The following CCDC38 variants were observed in gnomAD, a reference collection of about 807,000 sequenced individuals.
The protein encoded by CCDC38 is coiled-coil domain-containing protein 38.
In CCDC38, 69 loss-of-function variants were observed where a neutral mutation model predicts 72.8. The ratio of observed to expected loss-of-function variants is 0.95; its 90% confidence interval spans 0.78 to 1.16. CCDC38 has a LOEUF of 1.16. Ranked by LOEUF, CCDC38 falls within the 50% of genes most tolerant of loss-of-function variation. The pLI is 0.00. For synonymous variants in CCDC38, 201 were observed against 213.2 expected, an observed-to-expected ratio of 0.94 and a Z score of 0.50; for missense variants, 626 against 638.9, an observed-to-expected ratio of 0.98 and a Z score of 0.22.
chr12:95,874,643 C>G (rs2121416365), intron 13 of CCDC38, among the ~76,000 whole-genome samples: 1 of 152,282 alleles, frequency 6.6e-6, no homozygotes, highest in East Asian at 1.9e-4. Flanking sequence ...GGAACTGCCC[C>G]CAGATGGCAG....
chr12:95,932,864 T>C (rs2080352562), intron 2 of CCDC38, among the ~76,000 whole-genome samples: 1 of 152,186 alleles, frequency 6.6e-6, no homozygotes, highest in African/African-American at 2.4e-5. Flanking sequence ...CTCTGCTGTG[T>C]ATCATTATGG....
intron 4 of CCDC38, among the ~76,000 whole-genome samples, chr12:95,909,456 G>A (rs567592458): frequency 1.3e-5 from 2 of 152,144 alleles, no homozygotes; most frequent in Admixed American, 6.5e-5. Context: ...ATTCACAGCC[G>A]ACTCCTACCA....
intron 13 of CCDC38, among the ~76,000 whole-genome samples, chr12:95,877,103 T>C (rs2079644059): frequency 6.6e-6 from 1 of 152,196 alleles, no homozygotes; most frequent in Admixed American, 6.5e-5. Flanking sequence ...GACAAGTTTA[T>C]TGGGGATCTG....
intron 10 of CCDC38, 93 bp downstream of exon 10, chr12:95,888,365 G>T: frequency 1.8e-6 from 2 of 1,114,472 alleles, no homozygotes; most frequent in Non-Finnish European, 2.7e-6. Flanking sequence ...ACAGTTATGG[G>T]TACATGACAT....
chr12:95,927,776 T>G (rs1210199836), intron 2 of CCDC38, among the ~76,000 whole-genome samples: 1 of 151,450 alleles, frequency 6.6e-6, no homozygotes, highest in Non-Finnish European at 1.5e-5. Flanking sequence ...TGTAAAGTAT[T>G]TTATTTCTCC....
At chr12:95,886,142 T>C (rs928379197) in intron 10 of CCDC38, among the ~76,000 whole-genome samples, 2 of 152,142 alleles carry the variant, frequency 1.3e-5, no homozygotes, top group African/African-American at 4.8e-5. Flanking sequence ...TGGAACAGAA[T>C]AGAGAATCCA....
intron 4 of CCDC38, among the ~76,000 whole-genome samples, chr12:95,914,432 C>A (rs751528394): frequency 6.6e-6 from 1 of 152,230 alleles, no homozygotes; most frequent in East Asian, 1.9e-4. Flanking sequence ...CCTACTTCAA[C>A]ATTATCAACA....
chr12:95,879,631 T>G lies in CCDC38; in HGVS notation c.1142+13A>C. On this transcript the variant is annotated intron_variant, in intron 12 of 15. Coordinates refer to ENST00000344280, the MANE Select transcript of CCDC38 (RefSeq NM_182496.3). The surrounding 1 kb of genome is among the most constrained non-coding windows in gnomAD (Gnocchi z 5.5). Reference sequence around the variant, plus strand: ...GCTTAATGGAATAAATCTACTTGTTTATAATGACTTACGTTTTATCCTGTA... The same window carrying G: ...GCTTAATGGAATAAATCTACTTGTTGATAATGACTTACGTTTTATCCTGTA... 1 of 1,551,312 alleles carries G rather than the reference T, an allele frequency of 6.4e-7. No homozygotes were observed.
chr12:95,914,601 A>G (rs570343294), intron 4 of CCDC38, among the ~76,000 whole-genome samples: 1 of 152,270 alleles, frequency 6.6e-6, no homozygotes, highest in South Asian at 2.1e-4. Flanking sequence ...TAAAACCACC[A>G]TCACCCCTAA....
intron 10 of CCDC38, among the ~76,000 whole-genome samples, chr12:95,884,386 T>C (rs2079734579): frequency 6.6e-6 from 1 of 152,214 alleles, no homozygotes; most frequent in Non-Finnish European, 1.5e-5. Flanking sequence ...ATGTATAGGA[T>C]TTGTAAGCTG....
At chr12:95,912,079 C>T (rs991409007) in intron 4 of CCDC38, among the ~76,000 whole-genome samples, 4 of 152,156 alleles carry the variant, frequency 2.6e-5, no homozygotes, top group Non-Finnish European at 5.9e-5. Context: ...ATGGATAGAG[C>T]TGGAAGTCAT....
At chr12:95,929,658 T>G (rs113235451) in intron 2 of CCDC38, among the ~76,000 whole-genome samples, 4,724 of 152,318 alleles carry the variant, frequency 0.031, 94 homozygotes, top group Middle Eastern at 0.044. Context: ...TTTTTGTCCC[T>G]CCAAGTTCAA....
chr12:95,917,272 A>C lies in CCDC38; in HGVS notation c.161T>G (p.Met54Arg), dbSNP rs757834272. Reference sequence around the variant, plus strand: ...AAAAGTAGTTTTCTGGTAGACTTTCATGTTACGGTTCATAAATTTTTCCTG... The same window carrying C: ...AAAAGTAGTTTTCTGGTAGACTTTCCTGTTACGGTTCATAAATTTTTCCTG... ...KETEKFMNRN[M>R]KVYQKTTFSS... The change falls in exon 4 of 16, where the codon ATG (methionine) becomes AGG (arginine). Residue 54 changes from methionine (M) to arginine (R), a missense_variant. Transcript: ENST00000344280. 1 of 1,597,842 alleles carries C rather than the reference A, an allele frequency of 6.3e-7. No individual in the cohort carries two copies. The highest frequency in any genetic ancestry group is 8.5e-7 in the Non-Finnish European group (1 of 1,176,632).
rs774539201 is a variant in CCDC38 at position 95,872,331 on chromosome 12, AC to A, written c.1407del (p.Cys470ValfsTer18). 9.9e-6 allele frequency: 16 copies of A among 1,614,058 alleles called. No homozygotes were observed. Among genetic ancestry groups the A allele is most frequent in the Non-Finnish European group, 1.7e-6 (2 of 1,180,038 alleles). On this transcript the variant is annotated frameshift_variant, in exon 14 of 16. Coordinates refer to ENST00000344280, the MANE Select transcript of CCDC38 (RefSeq NM_182496.3). LOFTEE classifies it high-confidence loss of function. ...LVKVESRLVE[L>X]CDLIESIPKE... ...TTGGGAATGGATTCGATGAGGTCACACAGTTCTACCAGGCGAGATTCTACTT... is the reference window on the plus strand; with the variant it reads ...TTGGGAATGGATTCGATGAGGTCACAAGTTCTACCAGGCGAGATTCTACTT...
At chr12:95,869,416 T>A in intron 15 of CCDC38, 64 bp downstream of exon 15, 1 of 1,194,848 alleles carries the variant, frequency 8.4e-7, no homozygotes, top group Non-Finnish European at 1.2e-6. Context: ...ACGAATAAAG[T>A]ATTTTGTTTT....
At chr12:95,937,989 C>A (rs886094302) in intron 1 of CCDC38, among the ~76,000 whole-genome samples, 2 of 152,112 alleles carry the variant, frequency 1.3e-5, no homozygotes, top group Admixed American at 6.6e-5. Flanking sequence ...ATTCAGTGGG[C>A]AATGGATTTA....
intron 7 of CCDC38, 40 bp downstream of exon 7, chr12:95,898,345 C>T (rs774803687): frequency 7.7e-5 from 123 of 1,590,474 alleles, no homozygotes; most frequent in South Asian, 3.1e-4. Flanking sequence ...TTTAATGGGT[C>T]GTGGAAATTT....
At chr12:95,888,609 A>AT in intron 9 of CCDC38, 103 bp from the exon 10 acceptor site, 2 of 986,502 alleles carry the variant, frequency 2.0e-6, no homozygotes, top group South Asian at 1.3e-5. Flanking sequence ...CAAGGTATTC[A>AT]TTTTTCTGCA....
chr12:95,912,321 A>C (rs1394002937), intron 4 of CCDC38, among the ~76,000 whole-genome samples: 2 of 152,210 alleles, frequency 1.3e-5, no homozygotes, highest in African/African-American at 4.8e-5. Flanking sequence ...AGCATCATTC[A>C]ACATACCCTC....
Sources: allele counts gnomAD v4.1 joint callset (sites outside exome capture counted in the v4.1 genomes callset), GRCh38; gene constraint gnomAD v4.1.1; non-coding constraint Gnocchi (gnomAD v3.1); transcripts MANE v1.5; gene names NCBI Gene and HGNC (gene_info 2026-07-23, HGNC 2026-07-21).